The following PON3 variants were observed in gnomAD, a reference collection of about 807,000 sequenced individuals.
The protein encoded by PON3 is paraoxonase 3.
In PON3, 37 loss-of-function variants were observed where a neutral mutation model predicts 36.3. The ratio of observed to expected loss-of-function variants is 1.02; its 90% CI spans 0.78 to 1.34. The LOEUF is 1.34. Ranked by LOEUF, PON3 falls within the 40% of genes most tolerant of loss-of-function variation. The pLI, the probability that PON3 is intolerant of heterozygous loss-of-function variation, is 0.00. For missense variants in PON3, 415 were observed against 426.5 expected (o/e 0.97, Z 0.24); for synonymous variants, 155 against 154.8 (o/e 1.00, Z -0.01).
intron 4 of PON3, among the ~76,000 whole-genome samples, chr7:95,368,129 C>T (rs1808737511): frequency 6.6e-6 from 1 of 152,170 alleles, no homozygotes. Context: ...ATGTGAACTG[C>T]TGTGAACAAG....
intron 3 of PON3, among the ~76,000 whole-genome samples, chr7:95,375,344 A>G (rs901131977): frequency 6.7e-6 from 1 of 150,116 alleles, no homozygotes; most frequent in African/African-American, 2.4e-5. Flanking sequence ...ATGTATATAT[A>G]TACACACTCA....
rs1808826195 is a variant in PON3, at chr7:95,372,337, C to A, written c.203G>T (p.Gly68Val). ...GTTTGGCATGCCTGGATATTTTAAT[C>A]CCTTTTAAAAATAAAGAACAAGTGT... The part of the protein sequence containing the change: ...LPSGLAFISS[G>V]LKYPGMPNFA... Residue 68 changes from glycine to valine, a missense_variant and splice_region_variant, in exon 4 of 9, where the codon GGA (glycine) becomes GTA (valine). By Grantham distance (109) the Gly-to-Val change is moderately radical. Transcript: ENST00000265627. 3.1e-6 allele frequency: 5 copies of A among 1,613,450 alleles called. No individual in the cohort carries two copies. The highest frequency in any genetic ancestry group is 4.2e-6 in the Non-Finnish European group (5 of 1,179,654).
chr7:95,382,125 G>A (rs1052749876), intron 3 of PON3, among the ~76,000 whole-genome samples: 4 of 152,166 alleles, frequency 2.6e-5, no homozygotes, highest in Admixed American at 6.5e-5. Context: ...TGAAATGAAG[G>A]CAGAAATAAA....
At position 95,381,946 on chromosome 7, in the gene PON3, T is replaced by G. The variant is rs549892160; in HGVS notation, c.201+8208A>C. Among the ~76,000 whole-genome samples the G allele has an allele frequency of 2.0e-5, 3 of 152,312 alleles. No individual in the cohort carries two copies. In the South Asian group the frequency reaches 6.2e-4, roughly 32 times the overall value. On this transcript the variant is annotated intron_variant, in intron 3 of 8. Coordinates refer to ENST00000265627, the MANE Select transcript of PON3 (RefSeq NM_000940.3). ...ACTTATTTCAAAATTGACCACATAG[T>G]TGGAAGTAAAGGACTACTCAGCAAA...
chr7:95,370,555 A>G (rs577707100), intron 4 of PON3, among the ~76,000 whole-genome samples: 1 of 152,328 alleles, frequency 6.6e-6, no homozygotes, highest in Admixed American at 6.5e-5. Flanking sequence ...AGAGCTTGCT[A>G]AGCAAATAAA....
chr7:95,396,328 A>G lies in PON3; in HGVS notation c.23T>C (p.Val8Ala), dbSNP rs748552217. The change falls in exon 1 of 9, where the codon GTC becomes GCC. Residue 8 changes from valine to alanine, a missense_variant. Physicochemically the swap from Val to Ala is moderately conservative, Grantham distance 64. Coordinates refer to ENST00000265627, the MANE Select transcript of PON3 (RefSeq NM_000940.3). MGKLVAL[V>A]LLGVGLSLVG... ...TAAGGACAGGCCGACCCCCAGCAGG[A>G]CCAGCGCCACGAGCTTCCCCATGGT... The G allele has an allele frequency of 6.2e-7, 1 of 1,613,822 alleles. No individual in the cohort carries two copies. The highest frequency in any genetic ancestry group is 8.5e-7 in the Non-Finnish European group (1 of 1,179,966).
chr7:95,382,305 G>T (rs1383937544), intron 3 of PON3, among the ~76,000 whole-genome samples: 1 of 152,092 alleles, frequency 6.6e-6, no homozygotes, highest in Non-Finnish European at 1.5e-5. Flanking sequence ...ACAGAATCCA[G>T]AGCAAACACA....
chr7:95,390,026 A>T, intron 3 of PON3, 128 bp downstream of exon 3: 2 of 1,023,544 alleles, frequency 2.0e-6, no homozygotes, highest in Non-Finnish European at 3.1e-6. Context: ...TGGCTTTTTT[A>T]GTTGACTGGT....
chr7:95,383,758 C>T (rs1302090593), intron 3 of PON3, among the ~76,000 whole-genome samples: 3 of 152,132 alleles, frequency 2.0e-5, no homozygotes, highest in East Asian at 3.9e-4. Context: ...GAATCAATAT[C>T]GTGAAAATGG....
intron 3 of PON3, among the ~76,000 whole-genome samples, chr7:95,383,828 T>C (rs1221493731): frequency 6.6e-6 from 1 of 152,216 alleles, no homozygotes. Flanking sequence ...ATCAATGACT[T>C]TCTTCACAGA....
rs17879939 is a variant in PON3 at position 95,392,575 on chromosome 7, T to C, written c.145+2069A>G. On this transcript the variant is annotated intron_variant, in intron 2 of 8. Transcript: ENST00000265627. ...TCCTTATTTTTAAAATCAAATTAAA[T>C]CACTCTGATATCCTATTCCACTAAG... Among the ~76,000 whole-genome samples the C allele has an allele frequency of 1.5e-3, 228 of 152,336 alleles. 1 individual carries two copies. Among genetic ancestry groups the C allele is most frequent in the Middle Eastern group, 6.8e-3 (2 of 294 alleles).
chr7:95,388,304 A>C (rs984282480), intron 3 of PON3, among the ~76,000 whole-genome samples: 2 of 152,234 alleles, frequency 1.3e-5, no homozygotes, highest in African/African-American at 4.8e-5. Flanking sequence ...ACTTCTCAAA[A>C]GAAGACATTT....
At chr7:95,372,136 C>G (rs1808820735) in intron 4 of PON3, 37 bp downstream of exon 4, 1 of 1,594,830 alleles carries the variant, frequency 6.3e-7, no homozygotes, top group Non-Finnish European at 8.6e-7. Flanking sequence ...TTCTATTTCC[C>G]TCATTTCCCC....
Position 95,360,116 on chromosome 7 carries a change from T to C in PON3, c.922A>G (p.Asn308Asp), listed in dbSNP as rs774163370. The C allele has an allele frequency of 2.0e-5, 33 of 1,613,540 alleles. No individual in the cohort carries two copies. Among genetic ancestry groups the C allele is most frequent in the Non-Finnish European group, 2.8e-5 (33 of 1,179,504 alleles). Reference protein sequence around the residue: ...PPGSEVLRIQNVLSEKPRVST... With the variant: ...PPGSEVLRIQDVLSEKPRVST... ...ACCCTGGGCTTCTCAGACAAAACAT[T>C]CTGGATGCGAAGTACCTGTCGAGAA... is the stretch of plus-strand genomic sequence containing the variant. The change falls in exon 9 of 9, where the codon AAT becomes GAT. Residue 308 changes from asparagine to aspartate, a missense_variant. Transcript: ENST00000265627.
chr7:95,396,010 G>C (rs1809423574), intron 1 of PON3: 1 of 504,720 alleles, frequency 2.0e-6, no homozygotes, highest in African/African-American at 1.9e-5. Flanking sequence ...AAGTAAAAGG[G>C]GGTCATGACC....
rs200019628 is a variant in PON3 at position 95,359,984 on chromosome 7, A to G, written c.1054T>C (p.Cys352Arg). The G allele has an allele frequency of 1.5e-4, 235 of 1,611,790 alleles. 1 individual carries two copies. Among genetic ancestry groups the G allele is most frequent in the Admixed American group, 3.3e-5 (2 of 59,824 alleles). Residue 352 changes from cysteine (C) to arginine (R), a missense_variant, in exon 9 of 9, where the codon TGT (cysteine) becomes CGT (arginine). Coordinates refer to ENST00000265627, the MANE Select transcript of PON3 (RefSeq NM_000940.3). ...IGTVFHKTLY[C>R]EL Reference sequence around the variant, plus strand: ...TTACTATCTAGAGTCTAGAGCTCACAGTACAGAGTTTTGTGAAATACGGTG... The same window carrying G: ...TTACTATCTAGAGTCTAGAGCTCACGGTACAGAGTTTTGTGAAATACGGTG...
chr7:95,368,213 G>A (rs1204229128), intron 4 of PON3, among the ~76,000 whole-genome samples: 1 of 152,164 alleles, frequency 6.6e-6, no homozygotes, highest in East Asian at 1.9e-4. Context: ...GATGAGCTCT[G>A]GAGTTTTAAA....
chr7:95,375,328 ATATG>A (rs1562772795), intron 3 of PON3, among the ~76,000 whole-genome samples: 7 of 150,246 alleles, frequency 4.7e-5, no homozygotes, highest in South Asian at 4.2e-4. Context: ...GTGTGTGTAT[ATATG>A]TATGTATATA....
At position 95,372,273 on chromosome 7, in the gene PON3, A is replaced by C. The variant is rs561570115; in HGVS notation, c.267T>G (p.Asp89Glu). Reference protein sequence around the residue: ...PDEPGKIFLMDLNEQNPRAQA... With the variant: ...PDEPGKIFLMELNEQNPRAQA... ...GTGCCCTTGGGTTTTGTTCATTCAGATCCATCAAGAAGATTTTTCCTGGTT... is the reference window on the plus strand; with the variant it reads ...GTGCCCTTGGGTTTTGTTCATTCAGCTCCATCAAGAAGATTTTTCCTGGTT... Residue 89 changes from aspartate (D) to glutamate (E), a missense_variant, in exon 4 of 9, where the codon GAT becomes GAG. By Grantham distance (45) the Asp-to-Glu change is conservative. Coordinates refer to ENST00000265627, the MANE Select transcript of PON3 (RefSeq NM_000940.3). 78 of 1,613,962 alleles carry C rather than the reference A, an allele frequency of 4.8e-5. No individual in the cohort carries two copies. The South Asian group carries it at 7.6e-4, about 16-fold the overall frequency.
Sources: allele counts gnomAD v4.1 joint callset (sites outside exome capture counted in the v4.1 genomes callset), GRCh38; gene constraint gnomAD v4.1.1; transcripts MANE v1.5; gene names NCBI Gene and HGNC (gene_info 2026-07-23, HGNC 2026-07-21).